The following HERC4 variants were observed in gnomAD, a reference collection of about 807,000 sequenced individuals.
HERC4 encodes the protein HECT and RLD domain containing E3 ubiquitin protein ligase 4, also known as probable E3 ubiquitin-protein ligase HERC4.
HERC4 carries 28 observed loss-of-function variants against 124.3 expected under a neutral mutation model. That is an observed-to-expected ratio of 0.23 (90% confidence interval 0.17 to 0.31). HERC4 has a LOEUF of 0.31. HERC4 is among the 10% of genes least tolerant of loss of function. The pLI is 1.00. For synonymous variants in HERC4, 407 were observed against 421.5 expected, an observed-to-expected ratio of 0.97 and a Z score of 0.42; for missense variants, 713 against 1,229.3, an observed-to-expected ratio of 0.58 and a Z score of 6.28.
intron 17 of HERC4, chr10:67,955,597 T>C: frequency 6.6e-6 from 1 of 152,464 alleles, no homozygotes; most frequent in Non-Finnish European, 1.5e-5. Flanking sequence ...CATGGTGAAA[T>C]CCTGTCTCTA....
At position 68,035,192 on chromosome 10, in the gene HERC4, G is replaced by A. The variant is rs537359593; in HGVS notation, c.464-1006C>T. On this transcript the variant is annotated intron_variant, in intron 5 of 24. Coordinates refer to ENST00000373700, the MANE Select transcript of HERC4 (RefSeq NM_015601.4). ...TTTTTTGAGACAGTCTTGCTCTGTC[G>A]CCCAGGTTGGAGTGCAGTGGCGCAA... Among the ~76,000 whole-genome samples the A allele has an allele frequency of 1.7e-4, 25 of 145,512 alleles. No individual in the cohort carries two copies. The South Asian group carries it at 4.8e-3, about 28-fold the overall frequency.
intron 11 of HERC4, 67 bp from the exon 12 acceptor site, chr10:67,991,266 AAAG>A: frequency 2.2e-6 from 2 of 899,204 alleles, no homozygotes; most frequent in Non-Finnish European, 3.3e-6. Flanking sequence ...CTTTCTTAAA[AAAG>A]AATTAAAATG....
intron 17 of HERC4, 33 bp downstream of exon 17, chr10:67,956,845 T>TAAA: frequency 1.3e-5 from 14 of 1,084,362 alleles, no homozygotes; most frequent in South Asian, 4.9e-5. Context: ...AAGAAACAAT[T>TAAA]AAAAAAAAAA....
At chr10:68,056,418 G>A (rs2040552737) in intron 3 of HERC4, among the ~76,000 whole-genome samples, 1 of 152,154 alleles carries the variant, frequency 6.6e-6, no homozygotes, top group Non-Finnish European at 1.5e-5. Flanking sequence ...TTTTAGCAAA[G>A]ACATGTAAGA....
At chr10:67,980,831 A>T (rs2035886550) in intron 15 of HERC4, among the ~76,000 whole-genome samples, 1 of 152,168 alleles carries the variant, frequency 6.6e-6, no homozygotes, top group Non-Finnish European at 1.5e-5. Context: ...AGTTGTTATC[A>T]ATTTAAAATA....
intron 4 of HERC4, chr10:68,038,464 G>T (rs2039591228): frequency 4.6e-6 from 1 of 217,564 alleles, no homozygotes; most frequent in Non-Finnish European, 9.0e-6. Flanking sequence ...TTATAATTCA[G>T]ATATTTTCTT....
At chr10:67,987,419 T>C (rs2036323510) in intron 15 of HERC4, among the ~76,000 whole-genome samples, 1 of 152,084 alleles carries the variant, frequency 6.6e-6, no homozygotes, top group Non-Finnish European at 1.5e-5. Flanking sequence ...TGAAAAGGGA[T>C]TGTTCACCAA....
At chr10:68,013,965 G>A in intron 9 of HERC4, 61 bp downstream of exon 9, 1 of 1,348,918 alleles carries the variant, frequency 7.4e-7, no homozygotes, top group Non-Finnish European at 1.0e-6. Context: ...CATGATTTAA[G>A]AGCAACATTT....
At chr10:67,973,325 A>C (rs2035366549) in intron 15 of HERC4, among the ~76,000 whole-genome samples, 1 of 152,228 alleles carries the variant, frequency 6.6e-6, no homozygotes, top group Non-Finnish European at 1.5e-5. Context: ...ACATGGAGCA[A>C]AACTGGATTC....
At chr10:68,042,877 C>A (rs1370124020) in intron 4 of HERC4, among the ~76,000 whole-genome samples, 1 of 151,996 alleles carries the variant, frequency 6.6e-6, no homozygotes, top group Non-Finnish European at 1.5e-5. Context: ...GTATACGTTA[C>A]AACAAATCAG....
At chr10:67,961,430 A>G (rs937193615) in intron 16 of HERC4, 3 of 152,174 alleles carry the variant, frequency 2.0e-5, no homozygotes, top group South Asian at 2.1e-4. Context: ...TTTGCTCCCT[A>G]TTTGTCACCT....
chr10:68,061,305 G>A (rs993891558), intron 3 of HERC4, among the ~76,000 whole-genome samples: 11 of 151,952 alleles, frequency 7.2e-5, no homozygotes, highest in Admixed American at 2.6e-4. Context: ...AGGCCAAGGC[G>A]GGTGAATCAT....
At chr10:67,946,400 A>T (rs2033357746) in intron 19 of HERC4, among the ~76,000 whole-genome samples, 1 of 128,554 alleles carries the variant, frequency 7.8e-6, no homozygotes, top group African/African-American at 2.8e-5. Context: ...CACACACAAG[A>T]CCCAATGATC....
intron 4 of HERC4, among the ~76,000 whole-genome samples, chr10:68,043,052 T>C (rs1017206705): frequency 3.3e-5 from 5 of 152,206 alleles, no homozygotes; most frequent in African/African-American, 9.6e-5. Flanking sequence ...TTCATAGTTG[T>C]TATTATTGGA....
chr10:68,053,055 C>T (rs569674943), intron 3 of HERC4, among the ~76,000 whole-genome samples: 58 of 152,292 alleles, frequency 3.8e-4, no homozygotes, highest in Middle Eastern at 3.4e-3. Context: ...CCACATCATT[C>T]TTCCACTTAT....
chr10:68,066,692 A>G (rs1246239791), intron 3 of HERC4, among the ~76,000 whole-genome samples: 1 of 152,208 alleles, frequency 6.6e-6, no homozygotes, highest in Non-Finnish European at 1.5e-5. Context: ...GTCAGTTACT[A>G]TGGACCTTGG....
At chr10:68,004,688 A>G (rs929482936) in intron 9 of HERC4, among the ~76,000 whole-genome samples, 1 of 152,228 alleles carries the variant, frequency 6.6e-6, no homozygotes, top group African/African-American at 2.4e-5. Flanking sequence ...GGGTGGCCTC[A>G]GGAGACTTAT....
At chr10:68,044,130 T>C (rs1157315603) in intron 4 of HERC4, among the ~76,000 whole-genome samples, 1 of 152,060 alleles carries the variant, frequency 6.6e-6, no homozygotes, top group East Asian at 1.9e-4. Context: ...TATAACCCAC[T>C]AAAAAAATTT....
At chr10:68,022,762 A>G (rs1330368494) in intron 8 of HERC4, among the ~76,000 whole-genome samples, 1 of 151,966 alleles carries the variant, frequency 6.6e-6, no homozygotes, top group Admixed American at 6.6e-5. Flanking sequence ...CCACAGAATG[A>G]AAGAAAATAT....
Sources: gnomAD v4.1 joint callset for allele counts (sites outside exome capture counted in the v4.1 genomes callset) on GRCh38, gnomAD v4.1.1 for gene constraint, MANE v1.5 for transcripts, NCBI Gene and HGNC (gene_info 2026-07-23, HGNC 2026-07-21) for gene names.